Variants in TBC1D5 observed in about 807,000 individuals in gnomAD.
TBC1D5 encodes the protein TBC1 domain family, member 5.
A neutral mutation model predicts 100.3 loss-of-function variants in TBC1D5; 75 were observed. The ratio of observed to expected loss-of-function variants is 0.75; its 90% CI spans 0.62 to 0.91. The LOEUF is 0.91. TBC1D5 is among the 40% of genes least tolerant of loss of function. The probability of loss-of-function intolerance (pLI) is 0.00; values close to 1 mark genes in which losing one functional copy is unlikely to be tolerated. For missense variants in TBC1D5, 910 were observed against 942.4 expected (o/e 0.97, Z 0.45); for synonymous variants, 323 against 325.6 (o/e 0.99, Z 0.09).
exon 14 of TBC1D5, chr3:17,308,127 C>T: frequency 6.3e-7 from 1 of 1,575,796 alleles, no homozygotes; most frequent in Middle Eastern, 1.7e-4. Flanking sequence ...AGCAGCCGCA[C>T]CCACCTTCTG....
At chr3:17,593,292 C>T (rs1338581633) in intron 2 of TBC1D5, among the ~76,000 whole-genome samples, 1 of 152,132 alleles carries the variant, frequency 6.6e-6, no homozygotes, top group Non-Finnish European at 1.5e-5. Context: ...CTGCCCCTGT[C>T]ATCACCCAAT....
intron 1 of TBC1D5, among the ~76,000 whole-genome samples, chr3:17,714,453 A>T (rs983704604): frequency 6.6e-6 from 1 of 152,226 alleles, no homozygotes; most frequent in African/African-American, 2.4e-5. Context: ...TCCTAGGCTC[A>T]GTGCAAGCCT....
At chr3:17,641,034 T>C (rs531125101) in intron 1 of TBC1D5, among the ~76,000 whole-genome samples, 1 of 152,212 alleles carries the variant, frequency 6.6e-6, no homozygotes, top group African/African-American at 2.4e-5. Context: ...CATCTACTAC[T>C]TGACAGTTAT....
chr3:17,573,089 A>G (rs2096637234), intron 2 of TBC1D5, among the ~76,000 whole-genome samples: 3 of 152,122 alleles, frequency 2.0e-5, no homozygotes, highest in South Asian at 4.1e-4. Context: ...ACATTCAACC[A>G]TCTCCTATCT....
chr3:17,600,436 AT>A (rs2060856843), intron 2 of TBC1D5, among the ~76,000 whole-genome samples: 1 of 152,280 alleles, frequency 6.6e-6, no homozygotes, highest in African/African-American at 2.4e-5. Flanking sequence ...TGCTAATGTC[AT>A]TTTTTGCTAC....
At chr3:17,649,985 C>G (rs2065383528) in intron 1 of TBC1D5, among the ~76,000 whole-genome samples, 1 of 152,248 alleles carries the variant, frequency 6.6e-6, no homozygotes, top group African/African-American at 2.4e-5. Flanking sequence ...GAGTTCATGT[C>G]CTTTGCAGGG....
chr3:17,668,062 A>G (rs1247096396), intron 1 of TBC1D5, among the ~76,000 whole-genome samples: 1 of 150,814 alleles, frequency 6.6e-6, no homozygotes, highest in Non-Finnish European at 1.5e-5. Context: ...ATATGATTTA[A>G]TTCTCCCTGT....
Position 17,730,170 on chromosome 3 carries a change from G to C in TBC1D5, c.-101+9173C>G, listed in dbSNP as rs141997508. ...TGATTCTTAAGAAGACGAAAGTATA[G>C]ACAGGAATTAATTCATTCCACAATT... On this transcript the variant is annotated intron_variant, in intron 1 of 21. Coordinates refer to ENST00000253692, the Ensembl canonical transcript of TBC1D5. Among the ~76,000 whole-genome samples, 18 of 152,106 alleles carry C rather than the reference G, an allele frequency of 1.2e-4. No homozygotes were observed. In the East Asian group the frequency reaches 3.5e-3, roughly 29 times the overall value.
At chr3:17,227,890 G>C (rs1199573146) in intron 17 of TBC1D5, among the ~76,000 whole-genome samples, 1 of 149,998 alleles carries the variant, frequency 6.7e-6, no homozygotes, top group African/African-American at 2.5e-5. Flanking sequence ...CTAAGTTGCT[G>C]GTACCCTAAA....
intron 3 of TBC1D5, among the ~76,000 whole-genome samples, chr3:17,489,510 G>A (rs1317031776): frequency 6.6e-6 from 1 of 152,140 alleles, no homozygotes; most frequent in African/African-American, 2.4e-5. Flanking sequence ...CTCCACAAGT[G>A]TTTGTCATTC....
At chr3:17,238,572 C>T (rs1333470157) in intron 16 of TBC1D5, among the ~76,000 whole-genome samples, 153 bp from the exon 17 acceptor site, 1 of 152,126 alleles carries the variant, frequency 6.6e-6, no homozygotes, top group Admixed American at 6.5e-5. Context: ...TTTAAAGTTA[C>T]TACAGAATAA....
chr3:17,222,252 C>T (rs2074369625), intron 17 of TBC1D5, among the ~76,000 whole-genome samples: 1 of 151,978 alleles, frequency 6.6e-6, no homozygotes, highest in Non-Finnish European at 1.5e-5. Flanking sequence ...TCTGAGTGGC[C>T]TTTTATCTCT....
chr3:17,171,200 A>G (rs903280787), intron 19 of TBC1D5, among the ~76,000 whole-genome samples: 5 of 152,118 alleles, frequency 3.3e-5, no homozygotes, highest in Admixed American at 6.5e-5. Context: ...GACAGGGATC[A>G]CAGTTTAAGG....
intron 13 of TBC1D5, among the ~76,000 whole-genome samples, chr3:17,325,472 C>T (rs909408508): frequency 6.6e-5 from 10 of 151,894 alleles, no homozygotes; most frequent in East Asian, 1.9e-4. Flanking sequence ...TACAGGCATG[C>T]GCCTCCATGC....
intron 14 of TBC1D5, among the ~76,000 whole-genome samples, chr3:17,302,231 T>C (rs2082918386): frequency 6.6e-6 from 1 of 152,190 alleles, no homozygotes; most frequent in African/African-American, 2.4e-5. Flanking sequence ...CCTTGCCTTG[T>C]AGATAATATC....
At chr3:17,621,436 A>G (rs541020597) in intron 2 of TBC1D5, among the ~76,000 whole-genome samples, 17 of 152,344 alleles carry the variant, frequency 1.1e-4, no homozygotes, top group South Asian at 1.0e-3. Context: ...GGCAAAACAG[A>G]TAAAAGATAA....
At chr3:17,310,980 C>T (rs1228510710) in intron 13 of TBC1D5, among the ~76,000 whole-genome samples, 2 of 151,854 alleles carry the variant, frequency 1.3e-5, no homozygotes, top group Non-Finnish European at 2.9e-5. Context: ...ACACAAATTT[C>T]CTGTGCTATT....
intron 1 of TBC1D5, among the ~76,000 whole-genome samples, chr3:17,632,635 AACCACC>A (rs1232776944): frequency 2.6e-5 from 4 of 152,178 alleles, no homozygotes; most frequent in South Asian, 2.1e-4. Context: ...AACCTTCAGC[AACCACC>A]ACCCTGATGA....
intron 16 of TBC1D5, among the ~76,000 whole-genome samples, chr3:17,257,928 C>G (rs2077874918): frequency 6.6e-6 from 1 of 152,158 alleles, no homozygotes; most frequent in Non-Finnish European, 1.5e-5. Context: ...GACAAGTTAA[C>G]TCTTGAGACA....
Sources: gnomAD v4.1 joint callset for allele counts (sites outside exome capture counted in the v4.1 genomes callset) on GRCh38, gnomAD v4.1.1 for gene constraint, MANE v1.5 for transcripts, NCBI Gene and HGNC (gene_info 2026-07-23, HGNC 2026-07-21) for gene names.